Variants in CSAD observed in about 807,000 individuals in gnomAD.
CSAD encodes the protein cysteine sulfinic acid decarboxylase.
In CSAD, 47 loss-of-function variants were observed where a neutral mutation model predicts 61.5. The observed-to-expected ratio is 0.76, with a 90% CI of 0.60 to 0.97. The LOEUF is 0.97. CSAD is among the 50% of genes least tolerant of loss of function. The probability of loss-of-function intolerance (pLI) is 0.00; values close to 1 mark genes in which losing one functional copy is unlikely to be tolerated. For missense variants in CSAD, 611 were observed against 643.6 expected, an observed-to-expected ratio of 0.95 and a Z score of 0.55; for synonymous variants, 245 against 252.7, an observed-to-expected ratio of 0.97 and a Z score of 0.29.
intron 1 of CSAD, 161 bp downstream of exon 1, chr12:53,180,571 C>G (rs1305067013): frequency 7.8e-7 from 1 of 1,284,752 alleles, no homozygotes; most frequent in South Asian, 1.2e-5. Context: ...ACTCACCCAG[C>G]TGCACCTCTC....
Position 53,172,524 on chromosome 12 carries a change from GT to G in CSAD, c.250del (p.Thr84LeufsTer49). 1 of 1,614,184 alleles carries G rather than the reference GT, an allele frequency of 6.2e-7. No homozygotes were observed. Among genetic ancestry groups the G allele is most frequent in the Non-Finnish European group, 8.5e-7 (1 of 1,180,020 alleles). On this transcript the variant is annotated frameshift_variant, in exon 5 of 17. Coordinates refer to ENST00000444623, the MANE Select transcript of CSAD (RefSeq NM_001244705.2). LOFTEE classifies it high-confidence loss of function. ...TCCTCACAGAAGCCAGGGCCCACCA[GT>G]CTTGACACTGTAGCGAATCACAGCC... ...CRAVIRYSVKTGHPRFFNQLF... is the reference protein window; with the variant it reads ...CRAVIRYSVKXGHPRFFNQLF...
chr12:53,159,718 AG>A lies in CSAD; in HGVS notation c.1219-7del, dbSNP rs1409449277. On this transcript the variant is annotated splice_region_variant and splice_polypyrimidine_tract_variant and intron_variant, in intron 15 of 16. Coordinates refer to ENST00000444623, the MANE Select transcript of CSAD (RefSeq NM_001244705.2). ...CACACATTGACAAACTCAGGCTGAG[AG>A]GAATGAGAAAGAGGAAGGTGTGAGC... is the stretch of plus-strand genomic sequence containing the variant. 1 of 1,604,856 alleles carries A rather than the reference AG, an allele frequency of 6.2e-7. No individual in the cohort carries two copies. Among genetic ancestry groups the A allele is most frequent in the African/African-American group, 1.3e-5 (1 of 74,804 alleles).
chr12:53,171,817 G>C, intron 7 of CSAD, 65 bp downstream of exon 7: 1 of 1,079,558 alleles, frequency 9.3e-7, no homozygotes, highest in Non-Finnish European at 1.4e-6. Context: ...ACTAGAGCAA[G>C]AGAACGGTGG....
In CSAD at chr12:53,161,288, T is replaced by C. The variant is rs781714510; in HGVS notation, c.804A>G (p.Leu268=). The part of the protein sequence containing the change: ...AIADVCQRHG[L]WLHVDAAWGG... ...TCCCACTCACATCCACATGCAGCCATAGCCCATGACGCTGGCACACATCAG... is the reference window on the plus strand; with the variant it reads ...TCCCACTCACATCCACATGCAGCCACAGCCCATGACGCTGGCACACATCAG... The change falls in exon 11 of 17, where the codon CTA becomes CTG. Residue 268 remains leucine, a synonymous_variant. Coordinates refer to ENST00000444623, the MANE Select transcript of CSAD (RefSeq NM_001244705.2). 2.5e-6 allele frequency: 4 copies of C among 1,613,896 alleles called. No individual in the cohort carries two copies. Among genetic ancestry groups the C allele is most frequent in the African/African-American group, 2.7e-5 (2 of 75,004 alleles).
intron 1 of CSAD, 79 bp downstream of exon 1, chr12:53,180,653 A>C (rs769170857): frequency 7.8e-5 from 100 of 1,283,054 alleles, no homozygotes; most frequent in Non-Finnish European, 9.8e-5. Context: ...AAGTGGATGC[A>C]GCCGCTCGGC....
chr12:53,159,815 C>A, intron 15 of CSAD, 72 bp downstream of exon 15: 1 of 1,541,156 alleles, frequency 6.5e-7, no homozygotes. Context: ...TCCACTAGGG[C>A]TTTAGTTGGG....
intron 10 of CSAD, among the ~76,000 whole-genome samples, chr12:53,165,292 G>A (rs1046168531): frequency 2.0e-5 from 3 of 151,970 alleles, no homozygotes; most frequent in Non-Finnish European, 4.4e-5. Context: ...AGTGAACCAT[G>A]ATCGCACCAC....
At chr12:53,169,912 T>G (rs745719018) in intron 10 of CSAD, among the ~76,000 whole-genome samples, 160 bp downstream of exon 10, 8 of 151,998 alleles carry the variant, frequency 5.3e-5, no homozygotes, top group Admixed American at 2.0e-4. Context: ...CAGAAAGCAA[T>G]GTAGTGTCCT....
intron 10 of CSAD, among the ~76,000 whole-genome samples, chr12:53,169,239 G>C (rs1940269658): frequency 6.6e-6 from 1 of 151,764 alleles, no homozygotes; most frequent in East Asian, 1.9e-4. Flanking sequence ...CAGCACTTTG[G>C]GAGGCTGAGG....
rs1180477214 is a variant in CSAD at position 53,173,786 on chromosome 12, C to A, written c.-49-16G>T. 6.2e-7 allele frequency: 1 copy of A among 1,612,986 alleles called. No homozygotes were observed. Among genetic ancestry groups the A allele is most frequent in the Admixed American group, 1.7e-5 (1 of 59,896 alleles). On this transcript the variant is annotated splice_polypyrimidine_tract_variant and intron_variant, in intron 2 of 16. Coordinates refer to ENST00000444623, the MANE Select transcript of CSAD (RefSeq NM_001244705.2). ...CAGGTAGCTCCTCAGGACAGCAGGA[C>A]CAAGATGGCAGAGGAAGTGGGGTGA...
chr12:53,172,568 C>A lies in CSAD; in HGVS notation c.207G>T (p.Gln69His). Reference sequence around the variant, plus strand: ...TCACAGCCCGACACCGCTCCAGGATCTGCTTCTGTGACTCGCCCTGGCTCC... The same window carrying A: ...TCACAGCCCGACACCGCTCCAGGATATGCTTCTGTGACTCGCCCTGGCTCC... ...ELRSQGESQK[Q>H]ILERCRAVIR... Residue 69 changes from glutamine (Q) to histidine (H), a missense_variant, in exon 5 of 17, where the codon CAG becomes CAT. Transcript: ENST00000444623. 6.2e-7 allele frequency: 1 copy of A among 1,613,574 alleles called. No homozygotes were observed. Among genetic ancestry groups the A allele is most frequent in the Non-Finnish European group, 8.5e-7 (1 of 1,179,826 alleles).
At position 53,173,727 on chromosome 12, in the gene CSAD, CCT is replaced by C; in HGVS notation, c.-8_-7del. On this transcript the variant is annotated splice_region_variant and 5_prime_UTR_variant, in exon 3 of 17. Coordinates refer to ENST00000444623, the MANE Select transcript of CSAD (RefSeq NM_001244705.2). ...TCCACCTAAGGCAGAGACAAGCTTA[CCT>C]CTCTGCTCAGGAGAGCCGGAGGCAG... 6.2e-7 allele frequency: 1 copy of C among 1,603,810 alleles called. No individual in the cohort carries two copies. Among genetic ancestry groups the C allele is most frequent in the Non-Finnish European group, 8.5e-7 (1 of 1,170,986 alleles).
In CSAD at chr12:53,157,879, G is replaced by A. The variant is rs1019213090; in HGVS notation, c.*632C>T. The A allele has an allele frequency of 2.6e-5, 4 of 151,876 alleles. No individual in the cohort carries two copies. Among genetic ancestry groups the A allele is most frequent in the African/African-American group, 4.8e-5 (2 of 41,294 alleles). The allele number at this position is 151,876 out of a possible 1,614,324, so 9.4% of individuals were successfully genotyped here. On this transcript the variant is annotated 3_prime_UTR_variant, in exon 17 of 17. Transcript: ENST00000444623. ...TTTCATTTTATCAGTCTTTTCCTAT[G>A]TATTTTTGAACACAGCTCAAATATT...
chr12:53,170,312 G>A (rs570478773), intron 9 of CSAD, 111 bp downstream of exon 9: 42 of 1,041,240 alleles, frequency 4.0e-5, no homozygotes, highest in South Asian at 6.6e-5. Flanking sequence ...ACTGAATAGC[G>A]AGGGGAGAGA....
intron 14 of CSAD, 60 bp downstream of exon 14, chr12:53,160,060 G>A (rs1187673002): frequency 1.9e-6 from 3 of 1,604,962 alleles, no homozygotes; most frequent in Non-Finnish European, 2.6e-6. Flanking sequence ...GCAGGAAAGA[G>A]GGAGGGGCAT....
chr12:53,173,102 G>A (rs1484234908), intron 4 of CSAD, among the ~76,000 whole-genome samples: 3 of 152,148 alleles, frequency 2.0e-5, no homozygotes, highest in Non-Finnish European at 4.4e-5. Flanking sequence ...CAGCTACTCG[G>A]GAGGCTGAGG....
intron 2 of CSAD, chr12:53,178,456 C>T (rs538329866): frequency 4.6e-6 from 2 of 439,528 alleles, no homozygotes; most frequent in South Asian, 3.2e-5. Context: ...TGCACCATTG[C>T]ACTCCAGCCT....
At chr12:53,175,731 G>T (rs1941056054) in intron 2 of CSAD, among the ~76,000 whole-genome samples, 1 of 152,162 alleles carries the variant, frequency 6.6e-6, no homozygotes, top group Non-Finnish European at 1.5e-5. Flanking sequence ...AAAAAATGCT[G>T]CATTCTACTT....
At chr12:53,170,748 T>C (rs1592340203) in intron 8 of CSAD, 1 of 486,030 alleles carries the variant, frequency 2.1e-6, no homozygotes, top group African/African-American at 2.1e-5. Flanking sequence ...GAGACAAGAG[T>C]CTCCCTCTGT....
Sources: allele counts gnomAD v4.1 joint callset (sites outside exome capture counted in the v4.1 genomes callset), GRCh38; gene constraint gnomAD v4.1.1; transcripts MANE v1.5; gene names NCBI Gene and HGNC (gene_info 2026-07-23, HGNC 2026-07-21).